The following ARMC3 variants were observed in gnomAD, a reference collection of about 807,000 sequenced individuals.
ARMC3 encodes the protein armadillo repeat containing 3.
In ARMC3, 74 loss-of-function variants were observed where a neutral mutation model predicts 90.3. The ratio of observed to expected loss-of-function variants is 0.82; its 90% CI spans 0.68 to 0.99. ARMC3 has a LOEUF of 0.99. Ranked by LOEUF, ARMC3 falls within the 50% of genes least tolerant of loss-of-function variation. The pLI is 0.00. For missense variants in ARMC3, 958 were observed against 1,042.8 expected, an observed-to-expected ratio of 0.92 and a Z score of 1.12; for synonymous variants, 334 against 361.8, an observed-to-expected ratio of 0.92 and a Z score of 0.87.
intron 16 of ARMC3, among the ~76,000 whole-genome samples, chr10:23,011,162 A>T (rs527844414): frequency 3.2e-4 from 49 of 152,150 alleles, no homozygotes; most frequent in African/African-American, 1.2e-3. Context: ...TCTAATTTGA[A>T]TAGTTTATTT....
chr10:23,012,899 T>TC (rs918755240), intron 16 of ARMC3, among the ~76,000 whole-genome samples: 18 of 150,444 alleles, frequency 1.2e-4, no homozygotes, highest in Non-Finnish European at 1.9e-4. Context: ...CTTTTTTTTT[T>TC]TTTTTTTTGA....
At chr10:22,939,676 C>T (rs535052884) in intron 2 of ARMC3, among the ~76,000 whole-genome samples, 45 of 152,156 alleles carry the variant, frequency 3.0e-4, no homozygotes, top group Non-Finnish European at 5.0e-4. Context: ...ACTTCTCCTC[C>T]CCCAGCCCCC....
At chr10:23,021,988 A>G (rs2131540470) in intron 16 of ARMC3, among the ~76,000 whole-genome samples, 1 of 152,114 alleles carries the variant, frequency 6.6e-6, no homozygotes, top group South Asian at 2.1e-4. Flanking sequence ...AAATTTGTCA[A>G]AATTTTCTTT....
intron 16 of ARMC3, among the ~76,000 whole-genome samples, chr10:23,027,700 C>A (rs1433643583): frequency 6.6e-6 from 1 of 151,532 alleles, no homozygotes; most frequent in Non-Finnish European, 1.5e-5. Context: ...ATTGAGGGAG[C>A]CATCTCAGCC....
chr10:23,007,716 A>AG (rs1449226940), intron 14 of ARMC3, among the ~76,000 whole-genome samples: 1 of 108,078 alleles, frequency 9.3e-6, no homozygotes, highest in East Asian at 2.5e-4. Flanking sequence ...AAAAAAAAAA[A>AG]AGAGAGAGAG....
At chr10:23,008,168 A>G in intron 14 of ARMC3, 108 bp from the exon 15 acceptor site, 1 of 571,854 alleles carries the variant, frequency 1.7e-6, no homozygotes, top group Non-Finnish European at 3.0e-6. Context: ...CACTGTTAAA[A>G]GTCAGCTTCA....
intron 2 of ARMC3, among the ~76,000 whole-genome samples, chr10:22,945,465 A>G (rs1288230619): frequency 1.3e-5 from 2 of 152,246 alleles, no homozygotes; most frequent in Non-Finnish European, 2.9e-5. Flanking sequence ...ATGAATTCTC[A>G]GGAAACAGGT....
At chr10:23,029,608 A>G (rs1838843054) in intron 16 of ARMC3, among the ~76,000 whole-genome samples, 1 of 152,238 alleles carries the variant, frequency 6.6e-6, no homozygotes, top group African/African-American at 2.4e-5. Context: ...TTGCTGAATT[A>G]CATGCCAAAT....
chr10:23,010,296 C>T (rs1386498862), intron 16 of ARMC3, among the ~76,000 whole-genome samples: 1 of 136,604 alleles, frequency 7.3e-6, no homozygotes, highest in Non-Finnish European at 1.6e-5. Context: ...TTCCCCTTCC[C>T]TTCCCTTCTC....
rs2131269994 is a variant in ARMC3, at chr10:22,963,898, C to CAG, written c.732+1821_732+1822insGA. 3.0e-4 allele frequency among the ~76,000 whole-genome samples: 5 copies of CAG among 16,562 alleles called. No individual in the cohort carries two copies. In the South Asian group the frequency reaches 9.1e-3, roughly 30 times the overall value. 10.9% of individuals were successfully genotyped at this position (16,562 alleles called of 152,430 possible). On this transcript the variant is annotated intron_variant, in intron 7 of 18. Coordinates refer to ENST00000298032, the MANE Select transcript of ARMC3 (RefSeq NM_173081.5). ...GGCGAGACTCTGTCTCACACACACA[C>CAG]ACACACACACACACACACACACACA...
chr10:22,971,700 C>CA (rs1472685209), intron 8 of ARMC3, among the ~76,000 whole-genome samples: 1 of 152,288 alleles, frequency 6.6e-6, no homozygotes, highest in East Asian at 1.9e-4. Context: ...CTCAGCCTCT[C>CA]AAAGTGCTGG....
intron 10 of ARMC3, among the ~76,000 whole-genome samples, chr10:22,990,313 G>C (rs913830613): frequency 6.6e-6 from 1 of 152,180 alleles, no homozygotes; most frequent in Non-Finnish European, 1.5e-5. Context: ...TGAGTGAAAG[G>C]CTTGAGTAGG....
intron 14 of ARMC3, 91 bp downstream of exon 14, chr10:23,007,072 C>A: frequency 9.2e-7 from 1 of 1,085,962 alleles, no homozygotes; most frequent in South Asian, 1.5e-5. Context: ...CAAAGATTCC[C>A]AGACCCTTTT....
chr10:23,033,153 A>T (rs561816722), intron 18 of ARMC3, 130 bp downstream of exon 18: 1 of 811,180 alleles, frequency 1.2e-6, no homozygotes, highest in African/African-American at 1.7e-5. Context: ...TTATATCTAC[A>T]TATAAGTGTA....
chr10:22,984,040 A>G (rs1373040204), intron 10 of ARMC3, among the ~76,000 whole-genome samples: 2 of 152,158 alleles, frequency 1.3e-5, no homozygotes, highest in African/African-American at 4.8e-5. Context: ...TTTCTGTCAT[A>G]CATAAGTAGC....
intron 3 of ARMC3, among the ~76,000 whole-genome samples, chr10:22,954,750 C>T (rs1394665166): frequency 6.6e-6 from 1 of 151,542 alleles, no homozygotes; most frequent in African/African-American, 2.4e-5. Context: ...AATTTGTTTT[C>T]TCTATTATTA....
chr10:22,938,128 C>A (rs1019181206), intron 2 of ARMC3, among the ~76,000 whole-genome samples: 1 of 152,070 alleles, frequency 6.6e-6, no homozygotes, highest in African/African-American at 2.4e-5. Context: ...CTTGGGCAGG[C>A]CTTCTTGTGG....
chr10:23,009,928 G>T (rs529985720), intron 16 of ARMC3, among the ~76,000 whole-genome samples: 7 of 152,192 alleles, frequency 4.6e-5, no homozygotes. Flanking sequence ...GTGGGGAACA[G>T]ATACCAGACC....
chr10:22,969,736 C>T (rs999141981), intron 8 of ARMC3, among the ~76,000 whole-genome samples: 5 of 152,210 alleles, frequency 3.3e-5, no homozygotes, highest in Middle Eastern at 3.4e-3. Context: ...AAGTGAGACC[C>T]GAAGAGAAGT....
Sources: allele counts gnomAD v4.1 joint callset (sites outside exome capture counted in the v4.1 genomes callset), GRCh38; gene constraint gnomAD v4.1.1; transcripts MANE v1.5; gene names NCBI Gene and HGNC (gene_info 2026-07-23, HGNC 2026-07-21).